Variants in SDK1 observed in about 807,000 individuals in gnomAD.
SDK1 encodes sidekick cell adhesion molecule 1.
SDK1 carries 157 observed loss-of-function variants against 245.5 expected under a neutral mutation model. That is an observed-to-expected ratio of 0.64 (90% CI 0.56 to 0.73). SDK1 has a LOEUF of 0.73. Ranked by LOEUF, SDK1 falls within the 30% of genes least tolerant of loss-of-function variation. The probability of loss-of-function intolerance (pLI) is 0.00; values close to 1 mark genes in which losing one functional copy is unlikely to be tolerated. For synonymous variants in SDK1, 1,647 were observed against 1,278.5 expected (o/e 1.29, Z -6.15); for missense variants, 3,583 against 3,002.3 (o/e 1.19, Z -4.52).
intron 4 of SDK1, among the ~76,000 whole-genome samples, chr7:3,650,494 T>C (rs576435271): frequency 6.6e-6 from 1 of 152,306 alleles, no homozygotes; most frequent in African/African-American, 2.4e-5. Context: ...ACGTAGTATC[T>C]GAGATAATTG....
At chr7:3,638,955 C>T in intron 2 of SDK1, 49 bp from the exon 3 acceptor site, 1 of 1,154,546 alleles carries the variant, frequency 8.7e-7, no homozygotes, top group South Asian at 1.4e-5. Flanking sequence ...TAGATATAAC[C>T]ATGAAACACT....
intron 4 of SDK1, among the ~76,000 whole-genome samples, chr7:3,755,853 C>G (rs1414068698): frequency 6.6e-6 from 1 of 152,152 alleles, no homozygotes; most frequent in Non-Finnish European, 1.5e-5. Flanking sequence ...TGACTCCTTT[C>G]ACATGGCATA....
chr7:3,410,208 C>T (rs1228298889), intron 1 of SDK1, among the ~76,000 whole-genome samples: 2 of 152,126 alleles, frequency 1.3e-5, no homozygotes, highest in Admixed American at 6.5e-5. Context: ...TGAGCACTGA[C>T]ATGACACCTC....
At chr7:3,812,189 G>C (rs1464856982) in intron 4 of SDK1, among the ~76,000 whole-genome samples, 1 of 152,196 alleles carries the variant, frequency 6.6e-6, no homozygotes, top group Non-Finnish European at 1.5e-5. Context: ...GTATTTGCTT[G>C]GGTTCCAGGT....
At chr7:3,626,559 G>C (rs557996456) in intron 2 of SDK1, among the ~76,000 whole-genome samples, 1 of 152,290 alleles carries the variant, frequency 6.6e-6, no homozygotes, top group South Asian at 2.1e-4. Context: ...TCACCTTTTA[G>C]TTGCCTTGCC....
At chr7:3,905,045 C>T (rs959229259) in intron 5 of SDK1, among the ~76,000 whole-genome samples, 9 of 150,784 alleles carry the variant, frequency 6.0e-5, no homozygotes, top group African/African-American at 2.2e-4. Context: ...GTGTATTTTA[C>T]AGTCGTAACT....
chr7:4,002,121 A>G (rs1238240677), intron 14 of SDK1, among the ~76,000 whole-genome samples: 3 of 152,210 alleles, frequency 2.0e-5, no homozygotes, highest in African/African-American at 4.8e-5. Flanking sequence ...TGCAGAAAAC[A>G]CTTTATATAA....
At chr7:3,893,020 C>G (rs933437626) in intron 5 of SDK1, among the ~76,000 whole-genome samples, 5 of 152,136 alleles carry the variant, frequency 3.3e-5, no homozygotes, top group African/African-American at 1.2e-4. Flanking sequence ...AGGAATCAGG[C>G]CAATTTGAGC....
intron 1 of SDK1, among the ~76,000 whole-genome samples, chr7:3,580,818 A>T (rs1474720886): frequency 6.6e-6 from 1 of 151,712 alleles, no homozygotes; most frequent in Admixed American, 6.6e-5. Flanking sequence ...AATACAAAAA[A>T]TAGGCTGGAT....
chr7:3,373,694 CAA>C (rs1781284784), intron 1 of SDK1, among the ~76,000 whole-genome samples: 1 of 151,000 alleles, frequency 6.6e-6, no homozygotes, highest in Non-Finnish European at 1.5e-5. Context: ...TACTAAATGA[CAA>C]GAGAAAGCAA....
rs537199816 is a variant in SDK1, at chr7:3,970,941, C to G, written c.1715-525C>G. Among the ~76,000 whole-genome samples, 15 of 152,296 alleles carry G rather than the reference C, an allele frequency of 9.8e-5. No individual in the cohort carries two copies. The South Asian group carries it at 2.5e-3, about 25-fold the overall frequency. ...CCCATCGCACAGGCAAGCTGGGGGT[C>G]CCCATCCCGTACTGGCTTGGGGGAG... On this transcript the variant is annotated intron_variant, in intron 11 of 44. Coordinates refer to ENST00000404826, the MANE Select transcript of SDK1 (RefSeq NM_152744.4).
chr7:4,175,086 G>C (rs988302308), intron 33 of SDK1, among the ~76,000 whole-genome samples: 1 of 147,710 alleles, frequency 6.8e-6, no homozygotes, highest in Admixed American at 6.6e-5. Context: ...CCTACCTCAC[G>C]CGCCAATGCC....
chr7:3,346,807 GTATA>G (rs778210658), intron 1 of SDK1, among the ~76,000 whole-genome samples: 67 of 42,198 alleles, frequency 1.6e-3, no homozygotes, highest in Non-Finnish European at 2.2e-3. Context: ...GTGTGTGTGT[GTATA>G]TATATATATA....
chr7:3,846,519 A>G (rs924986533), intron 5 of SDK1, among the ~76,000 whole-genome samples: 4 of 152,072 alleles, frequency 2.6e-5, no homozygotes, highest in Non-Finnish European at 5.9e-5. Context: ...CTCCCTGCAC[A>G]CCTCACTCTC....
chr7:3,634,747 A>C (rs56843848), intron 2 of SDK1, among the ~76,000 whole-genome samples: 1 of 152,164 alleles, frequency 6.6e-6, no homozygotes, highest in Non-Finnish European at 1.5e-5. Context: ...AACTTTCTTC[A>C]TATTTTTTCC....
chr7:3,544,525 C>T (rs777712678), intron 1 of SDK1, among the ~76,000 whole-genome samples: 8 of 152,212 alleles, frequency 5.3e-5, no homozygotes, highest in Non-Finnish European at 1.2e-4. Flanking sequence ...GAAAATGAGT[C>T]GTTGGCCTAA....
intron 1 of SDK1, among the ~76,000 whole-genome samples, chr7:3,340,960 A>G (rs943830489): frequency 2.0e-5 from 3 of 152,176 alleles, no homozygotes; most frequent in African/African-American, 7.2e-5. Context: ...ACTTTTATTC[A>G]GTCTCTTCTA....
intron 4 of SDK1, among the ~76,000 whole-genome samples, chr7:3,674,806 G>C (rs1378484808): frequency 6.6e-6 from 1 of 152,150 alleles, no homozygotes; most frequent in Admixed American, 6.5e-5. Flanking sequence ...GTTGGACAGA[G>C]ATCCACAAGA....
chr7:3,661,789 A>T lies in SDK1; in HGVS notation c.713+19684A>T, dbSNP rs977117136. Among the ~76,000 whole-genome samples, 3 of 152,234 alleles carry T rather than the reference A, an allele frequency of 2.0e-5. No individual in the cohort carries two copies. The East Asian group carries it at 5.8e-4, about 29-fold the overall frequency. The stretch of plus-strand genomic sequence containing the variant: ...TCAGACCCTGGCTGTGATACCTAAT[A>T]GTTGTGTGGCCTCGGGCAAGCACCT... On this transcript the variant is annotated intron_variant, in intron 4 of 44. Coordinates refer to ENST00000404826, the MANE Select transcript of SDK1 (RefSeq NM_152744.4).
Sources: gnomAD v4.1 joint callset for allele counts (sites outside exome capture counted in the v4.1 genomes callset) on GRCh38, gnomAD v4.1.1 for gene constraint, MANE v1.5 for transcripts, NCBI Gene and HGNC (gene_info 2026-07-23, HGNC 2026-07-21) for gene names.